The following ANKRD62 variants were observed in gnomAD, a reference collection of about 807,000 sequenced individuals.
ANKRD62 encodes ankyrin repeat domain-containing protein 62.
ANKRD62 carries 61 observed loss-of-function variants against 98.8 expected under a neutral mutation model. The observed-to-expected ratio is 0.62, with a 90% CI of 0.50 to 0.76. ANKRD62 has a LOEUF of 0.76. ANKRD62 is among the 30% of genes least tolerant of loss of function. The pLI, the probability that ANKRD62 is intolerant of heterozygous loss-of-function variation, is 0.00. For synonymous variants in ANKRD62, 341 were observed against 367.9 expected, an observed-to-expected ratio of 0.93 and a Z score of 0.84; for missense variants, 933 against 1,082.9, an observed-to-expected ratio of 0.86 and a Z score of 1.94.
At chr18:12,133,720 T>A (rs1241467109), downstream of ANKRD62, among the ~76,000 whole-genome samples, 1 of 152,124 alleles carries the variant, frequency 6.6e-6, no homozygotes, top group East Asian at 1.9e-4. Context: ...TTTAATTGAT[T>A]GCCTTTTTGT....
rs530639473 is a variant in ANKRD62 at position 12,125,370 on chromosome 18, C to T, written c.1639-90C>T. 7.3e-4 allele frequency: 883 copies of T among 1,213,678 alleles called. 8 individuals are homozygous for T. In the East Asian group the frequency reaches 0.022, roughly 30 times the overall value. 75.2% of individuals were successfully genotyped at this position (1,213,678 alleles called of 1,614,324 possible). On this transcript the variant is annotated intron_variant, in intron 12 of 13. Coordinates refer to ENST00000587848, the MANE Select transcript of ANKRD62 (RefSeq NM_001277333.2). ...GATGGCAACTCTTTCATTGTATAAACGTACAGGTTATTACTTATTTAGTTT... is the reference window on the plus strand; with the variant it reads ...GATGGCAACTCTTTCATTGTATAAATGTACAGGTTATTACTTATTTAGTTT...
At chr18:12,181,092 TA>T in the ANKRD62 span, among the ~76,000 whole-genome samples, 189 of 150,016 alleles carry the variant, frequency 1.3e-3, no homozygotes, top group African/African-American at 4.4e-3. Flanking sequence ...AATTAAGTTC[TA>T]AAAAAAAATT....
At chr18:12,109,994 A>G (rs573719534) in intron 8 of ANKRD62, among the ~76,000 whole-genome samples, 4 of 148,980 alleles carry the variant, frequency 2.7e-5, no homozygotes, top group African/African-American at 9.8e-5. Flanking sequence ...TAGTAGGCTG[A>G]ATTTGGCACA....
chr18:12,168,648 G>A, the ANKRD62 span, among the ~76,000 whole-genome samples: 12 of 152,316 alleles, frequency 7.9e-5, no homozygotes, highest in South Asian at 2.5e-3. Context: ...GGACTTTAAA[G>A]TAGTTTTTTC....
the ANKRD62 span, among the ~76,000 whole-genome samples, chr18:12,138,714 A>T: frequency 6.6e-6 from 1 of 152,198 alleles, no homozygotes; most frequent in Admixed American, 6.5e-5. Flanking sequence ...GACTTGCTTT[A>T]TGAATCTGGG....
chr18:12,111,226 G>T (rs1909530645), intron 8 of ANKRD62, among the ~76,000 whole-genome samples: 1 of 148,566 alleles, frequency 6.7e-6, no homozygotes. Context: ...TCCAGCCTTG[G>T]TGATAGAGCG....
At chr18:12,159,269 T>C in the ANKRD62 span, among the ~76,000 whole-genome samples, 1 of 152,210 alleles carries the variant, frequency 6.6e-6, no homozygotes, top group African/African-American at 2.4e-5. Context: ...TCATGATATT[T>C]AGTTCATTTT....
At chr18:12,174,578 C>T in the ANKRD62 span, among the ~76,000 whole-genome samples, 4 of 152,192 alleles carry the variant, frequency 2.6e-5, no homozygotes, top group Admixed American at 2.6e-4. Flanking sequence ...GGCACTCTGA[C>T]TTTTTGAGTT....
chr18:12,115,487 A>G lies in ANKRD62; in HGVS notation c.1193A>G (p.Asp398Gly). ...GATGATGAGTTGCCTTACTCTGATGATGAGAATTTTATGTTACTCATTGAA... is the reference window on the plus strand; with the variant it reads ...GATGATGAGTTGCCTTACTCTGATGGTGAGAATTTTATGTTACTCATTGAA... ...SEDDELPYSD[D>G]ENFMLLIEQS... is the part of the protein sequence containing the mutation. Residue 398 changes from aspartate to glycine, a missense_variant, in exon 10 of 14, where the codon GAT becomes GGT. By Grantham distance (94) the Asp-to-Gly change is moderately conservative (BLOSUM62 -1). Coordinates refer to ENST00000587848, the MANE Select transcript of ANKRD62 (RefSeq NM_001277333.2). The G allele has an allele frequency of 6.5e-7, 1 of 1,537,740 alleles. No individual in the cohort carries two copies.
At chr18:12,098,080 A>G (rs1909220330) in intron 5 of ANKRD62, among the ~76,000 whole-genome samples, 1 of 152,210 alleles carries the variant, frequency 6.6e-6, no homozygotes, top group African/African-American at 2.4e-5. Context: ...AGAGATGTTC[A>G]GATAGTGTTG....
downstream of ANKRD62, among the ~76,000 whole-genome samples, chr18:12,134,328 G>T (rs1036351962): frequency 2.6e-5 from 4 of 152,154 alleles, no homozygotes; most frequent in East Asian, 1.9e-4. Context: ...TGCAGTGTTT[G>T]TCCCTATTGA....
chr18:12,115,420 G>A lies in ANKRD62; in HGVS notation c.1126G>A (p.Asp376Asn). ...KVKSQIYFTDDLNDISGSSEK... is the reference protein window; with the variant it reads ...KVKSQIYFTDNLNDISGSSEK... ...TAAAAGCCAAATATATTTCACGGAT[G>A]ACCTTAATGACATAAGTGGGTCATC... is the stretch of plus-strand genomic sequence containing the variant. The change falls in exon 10 of 14, where the codon GAC (aspartate) becomes AAC (asparagine). Residue 376 changes from aspartate to asparagine, a missense_variant. Coordinates refer to ENST00000587848, the MANE Select transcript of ANKRD62 (RefSeq NM_001277333.2). 1 of 1,535,282 alleles carries A rather than the reference G, an allele frequency of 6.5e-7. No individual in the cohort carries two copies. The highest frequency in any genetic ancestry group is 8.7e-7 in the Non-Finnish European group (1 of 1,145,898).
At chr18:12,178,300 A>G in the ANKRD62 span, among the ~76,000 whole-genome samples, 1 of 149,716 alleles carries the variant, frequency 6.7e-6, no homozygotes, top group Non-Finnish European at 1.5e-5. Context: ...AACTCCAGGA[A>G]CTGAAGTGAT....
At chr18:12,153,421 A>G in the ANKRD62 span, among the ~76,000 whole-genome samples, 1 of 151,760 alleles carries the variant, frequency 6.6e-6, no homozygotes, top group Non-Finnish European at 1.5e-5. Flanking sequence ...GTGAAATCCC[A>G]TCTCTACTAA....
At chr18:12,123,932 A>C (rs1568065616) in intron 11 of ANKRD62, among the ~76,000 whole-genome samples, 1 of 152,218 alleles carries the variant, frequency 6.6e-6, no homozygotes, top group East Asian at 1.9e-4. Flanking sequence ...AATTACTAGT[A>C]ACAGAAGCTA....
the ANKRD62 span, among the ~76,000 whole-genome samples, chr18:12,146,772 G>A: frequency 3.9e-5 from 6 of 152,302 alleles, no homozygotes; most frequent in South Asian, 2.1e-4. Flanking sequence ...GTGGGCTGCC[G>A]ATCCTGTTCC....
chr18:12,113,636 A>T (rs1909596645), intron 8 of ANKRD62, among the ~76,000 whole-genome samples: 1 of 152,202 alleles, frequency 6.6e-6, no homozygotes, highest in Non-Finnish European at 1.5e-5. Context: ...AAAAAAAAAA[A>T]GTACAAAAAT....
intron 13 of ANKRD62, among the ~76,000 whole-genome samples, chr18:12,127,019 A>C (rs1424639451): frequency 6.6e-6 from 1 of 152,348 alleles, no homozygotes; most frequent in Non-Finnish European, 1.5e-5. Context: ...ATGTTAGCCA[A>C]ACCATATTTG....
chr18:12,103,484 TA>T (rs1417355838), intron 7 of ANKRD62, among the ~76,000 whole-genome samples: 15 of 152,086 alleles, frequency 9.9e-5, no homozygotes, highest in African/African-American at 1.7e-4. Flanking sequence ...CCTAATGTAA[TA>T]AAGAAAGTAA....
Sources: allele counts gnomAD v4.1 joint callset (sites outside exome capture counted in the v4.1 genomes callset), GRCh38; gene constraint gnomAD v4.1.1; transcripts MANE v1.5; gene names NCBI Gene and HGNC (gene_info 2026-07-23, HGNC 2026-07-21).